The following LPAR6 variants were observed in gnomAD, a reference collection of about 807,000 sequenced individuals.
The protein encoded by LPAR6 is lysophosphatidic acid receptor 6.
LPAR6 carries 17 observed loss-of-function variants against 22.0 expected under a neutral mutation model. The observed-to-expected ratio is 0.77, with a 90% CI of 0.53 to 1.16. The LOEUF is 1.16. LPAR6 is among the 50% of genes most tolerant of loss of function. The pLI, the probability that LPAR6 is intolerant of heterozygous loss-of-function variation, is 0.00. For missense variants in LPAR6, 384 were observed against 406.9 expected, an observed-to-expected ratio of 0.94 and a Z score of 0.48; for synonymous variants, 136 against 139.8, an observed-to-expected ratio of 0.97 and a Z score of 0.19.
At chr13:48,409,673 T>C (rs1948774990), downstream of LPAR6, among the ~76,000 whole-genome samples, 1 of 138,334 alleles carries the variant, frequency 7.2e-6, no homozygotes, top group Non-Finnish European at 1.5e-5. Flanking sequence ...CTCTGACTCC[T>C]GGGTTCAAGC....
rs4151557 is a variant in LPAR6, at chr13:48,436,206, T to C, written c.-1474+8347A>G. ...GTTGGTGATGAAGGAAATGAGTTCATGTTAATGTTTGAACCTATTATATTT... is the reference window on the plus strand; with the variant it reads ...GTTGGTGATGAAGGAAATGAGTTCACGTTAATGTTTGAACCTATTATATTT... On this transcript the variant is annotated intron_variant, in intron 1 of 6. Transcript: ENST00000378434. 1.0e-2 allele frequency among the ~76,000 whole-genome samples: 1,516 copies of C among 152,336 alleles called. 37 individuals carry two copies. The highest frequency in any genetic ancestry group is 0.035 in the African/African-American group (1,438 of 41,564).
intron 1 of LPAR6, among the ~76,000 whole-genome samples, chr13:48,403,132 T>C (rs1468840784): frequency 6.6e-6 from 1 of 152,206 alleles, no homozygotes; most frequent in Non-Finnish European, 1.5e-5. Flanking sequence ...TTTAAAGATC[T>C]CCTGTGTTTT....
chr13:48,410,932 CTT>C (rs923663761), downstream of LPAR6: 7 of 152,232 alleles, frequency 4.6e-5, no homozygotes, highest in African/African-American at 1.4e-4. Flanking sequence ...TCAAATTACT[CTT>C]CTTTCTCATT....
At chr13:48,432,095 G>A (rs1450908182) in intron 1 of LPAR6, among the ~76,000 whole-genome samples, 1 of 152,136 alleles carries the variant, frequency 6.6e-6, no homozygotes, top group Non-Finnish European at 1.5e-5. Flanking sequence ...GAAAAAGGGG[G>A]TGGGCTTTTA....
chr13:48,400,609 A>G (rs1184398097), intron 1 of LPAR6, among the ~76,000 whole-genome samples: 1 of 152,108 alleles, frequency 6.6e-6, no homozygotes, highest in African/African-American at 2.4e-5. Flanking sequence ...TGGAAGTGTA[A>G]ACACTGCTAT....
chr13:48,432,499 A>G (rs116357023), intron 1 of LPAR6, among the ~76,000 whole-genome samples: 1,917 of 152,102 alleles, frequency 0.013, 44 homozygotes, highest in African/African-American at 0.044. Flanking sequence ...CTCTCATTAA[A>G]GAGCCCCAGA....
At chr13:48,397,480 C>T (rs1289846848) in intron 1 of LPAR6, among the ~76,000 whole-genome samples, 1 of 152,060 alleles carries the variant, frequency 6.6e-6, no homozygotes, top group East Asian at 1.9e-4. Context: ...ACATCACACA[C>T]CGGGGCCTGT....
intron 1 of LPAR6, among the ~76,000 whole-genome samples, chr13:48,395,406 G>A (rs1422005383): frequency 1.3e-5 from 2 of 152,116 alleles, no homozygotes; most frequent in Non-Finnish European, 2.9e-5. Flanking sequence ...GTAGGCTTCA[G>A]AAGGTGGGTA....
chr13:48,429,028 C>A (rs1370636953), upstream of LPAR6, among the ~76,000 whole-genome samples: 2 of 152,158 alleles, frequency 1.3e-5, no homozygotes, highest in African/African-American at 4.8e-5. Flanking sequence ...TACCTGAATT[C>A]TTTTGCTCCC....
intron 1 of LPAR6, among the ~76,000 whole-genome samples, chr13:48,443,019 T>G (rs1312591741): frequency 1.3e-5 from 2 of 152,064 alleles, no homozygotes; most frequent in East Asian, 3.9e-4. Flanking sequence ...ATAAATCCAC[T>G]TTGAAAGACA....
At chr13:48,425,631 T>G (rs533683222) in intron 1 of LPAR6, among the ~76,000 whole-genome samples, 1 of 152,072 alleles carries the variant, frequency 6.6e-6, no homozygotes, top group Non-Finnish European at 1.5e-5. Context: ...GGTAGGAGGA[T>G]CTCTTGAGCC....
At chr13:48,439,269 A>G (rs1949213962) in intron 1 of LPAR6, among the ~76,000 whole-genome samples, 1 of 152,222 alleles carries the variant, frequency 6.6e-6, no homozygotes, top group East Asian at 1.9e-4. Flanking sequence ...GAGATAATAT[A>G]TGTAAAATAT....
At chr13:48,428,818 A>G (rs1249894159), upstream of LPAR6, among the ~76,000 whole-genome samples, 1 of 152,260 alleles carries the variant, frequency 6.6e-6, no homozygotes, top group African/African-American at 2.4e-5. Flanking sequence ...AATAATTAGA[A>G]CAAGGGTTTT....
At chr13:48,429,148 G>A (rs949611693), upstream of LPAR6, 1 of 152,140 alleles carries the variant, frequency 6.6e-6, no homozygotes, top group South Asian at 2.1e-4. Flanking sequence ...TGCAAAAAAG[G>A]GTTGTTTTAG....
chr13:48,410,184 C>T (rs4151545), downstream of LPAR6, among the ~76,000 whole-genome samples: 954 of 152,236 alleles, frequency 6.3e-3, 9 homozygotes, highest in African/African-American at 0.022. Context: ...TCATGCATCA[C>T]GTAATAGCAT....
At chr13:48,400,620 C>T (rs971716119) in intron 1 of LPAR6, among the ~76,000 whole-genome samples, 7 of 152,082 alleles carry the variant, frequency 4.6e-5, no homozygotes, top group Non-Finnish European at 8.8e-5. Context: ...ACACTGCTAT[C>T]CCTATTTTAT....
Position 48,412,722 on chromosome 13 carries a change from A to G in LPAR6, c.-299T>C. ...CAACCTTTAAAAAATACAGTCAACG[A>G]GTCCAACCCATAGGATTATAAATTT... On this transcript the variant is annotated 5_prime_UTR_variant, in exon 1 of 1. Transcript: ENST00000620633. The G allele has an allele frequency of 2.3e-6, 1 of 440,060 alleles. No individual in the cohort carries two copies. The highest frequency in any genetic ancestry group is 4.3e-6 in the Non-Finnish European group (1 of 230,848). 27.3% of individuals were successfully genotyped at this position (440,060 alleles called of 1,614,324 possible). A position where few individuals can be genotyped will look rare whatever the true frequency, so the allele number is the denominator to read the frequency against.
chr13:48,438,247 TCTAA>T (rs1363385435), intron 1 of LPAR6, among the ~76,000 whole-genome samples: 1 of 152,204 alleles, frequency 6.6e-6, no homozygotes, highest in Non-Finnish European at 1.5e-5. Flanking sequence ...ACATTTATTA[TCTAA>T]CTTAGTTGTC....
At chr13:48,440,808 A>G (rs1949229603) in intron 1 of LPAR6, among the ~76,000 whole-genome samples, 1 of 152,210 alleles carries the variant, frequency 6.6e-6, no homozygotes, top group East Asian at 1.9e-4. Context: ...TAGAAAATGA[A>G]AGGAGCTTAA....
Sources: gnomAD v4.1 joint callset for allele counts (sites outside exome capture counted in the v4.1 genomes callset) on GRCh38, gnomAD v4.1.1 for gene constraint, MANE v1.5 for transcripts, NCBI Gene and HGNC (gene_info 2026-07-23, HGNC 2026-07-21) for gene names.